Variants in STPG2 observed in about 807,000 individuals in gnomAD.
The protein encoded by STPG2 is sperm tail PG-rich repeat containing 2.
A neutral mutation model predicts 54.2 loss-of-function variants in STPG2; 56 were observed. The observed-to-expected ratio is 1.03, with a 90% CI of 0.83 to 1.29. The LOEUF is 1.29. Ranked by LOEUF, STPG2 falls within the 50% of genes most tolerant of loss-of-function variation. The probability of loss-of-function intolerance (pLI) is 0.00; values close to 1 mark genes in which losing one functional copy is unlikely to be tolerated. For missense variants in STPG2, 596 were observed against 544.9 expected (o/e 1.09, Z -0.93); for synonymous variants, 200 against 181.8 (o/e 1.10, Z -0.81).
intron 10 of STPG2, among the ~76,000 whole-genome samples, chr4:97,705,283 T>C (rs1393568840): frequency 2.6e-5 from 4 of 152,088 alleles, no homozygotes; most frequent in South Asian, 2.1e-4. Context: ...TTATATTTCA[T>C]ATAAAATACT....
chr4:97,930,077 T>G (rs1732485090), intron 8 of STPG2, among the ~76,000 whole-genome samples: 1 of 152,130 alleles, frequency 6.6e-6, no homozygotes, highest in African/African-American at 2.4e-5. Flanking sequence ...TTTTGTATTT[T>G]TAGTAGAGAT....
chr4:98,124,652 T>A (rs1457493686), intron 3 of STPG2, among the ~76,000 whole-genome samples: 1 of 152,162 alleles, frequency 6.6e-6, no homozygotes, highest in Admixed American at 6.5e-5. Context: ...GATGATTATG[T>A]GTCTTTGGGT....
intron 5 of STPG2, among the ~76,000 whole-genome samples, chr4:97,997,818 C>T (rs760721556): frequency 8.5e-5 from 13 of 152,126 alleles, no homozygotes; most frequent in South Asian, 2.1e-4. Flanking sequence ...TGAATACATA[C>T]GGACACAAAA....
intron 5 of STPG2, among the ~76,000 whole-genome samples, chr4:98,091,750 G>T (rs1211759773): frequency 2.6e-5 from 4 of 151,942 alleles, no homozygotes; most frequent in African/African-American, 9.7e-5. Flanking sequence ...GTCAGACACT[G>T]TGTTAAGCAT....
At chr4:97,861,662 C>T (rs963010091) in intron 8 of STPG2, among the ~76,000 whole-genome samples, 1 of 152,026 alleles carries the variant, frequency 6.6e-6, no homozygotes, top group African/African-American at 2.4e-5. Flanking sequence ...ATGTTAAGGG[C>T]AGCCAGAGAG....
chr4:97,794,275 CCT>C (rs1387497339), intron 9 of STPG2, among the ~76,000 whole-genome samples: 85 of 151,876 alleles, frequency 5.6e-4, no homozygotes, highest in African/African-American at 2.0e-3. Context: ...AATGCAAATC[CCT>C]CTCTTAGTGA....
intron 8 of STPG2, among the ~76,000 whole-genome samples, chr4:97,855,265 G>T (rs1560556039): frequency 6.6e-6 from 1 of 152,040 alleles, no homozygotes; most frequent in Non-Finnish European, 1.5e-5. Context: ...ATTCATTTAG[G>T]TATATTCCCA....
chr4:97,590,582 T>A (rs957783201), intron 10 of STPG2, among the ~76,000 whole-genome samples: 1 of 151,440 alleles, frequency 6.6e-6, no homozygotes, highest in East Asian at 1.9e-4. Context: ...GAAGTCAATA[T>A]GGTGAATTAG....
intron 9 of STPG2, among the ~76,000 whole-genome samples, chr4:97,807,134 A>T (rs528497218): frequency 1.3e-5 from 2 of 151,522 alleles, no homozygotes; most frequent in South Asian, 4.1e-4. Context: ...CCATTGATGT[A>T]ATATTGGAAT....
At chr4:97,730,972 C>T (rs568763698) in intron 9 of STPG2, among the ~76,000 whole-genome samples, 1 of 152,196 alleles carries the variant, frequency 6.6e-6, no homozygotes, top group Admixed American at 6.5e-5. Context: ...GCTTTTGTGC[C>T]ATCCAGATTT....
chr4:97,809,050 A>T (rs530352626), intron 9 of STPG2, among the ~76,000 whole-genome samples: 1 of 152,296 alleles, frequency 6.6e-6, no homozygotes, highest in Non-Finnish European at 1.5e-5. Context: ...GAATGTTTTT[A>T]AAATGCAGAT....
intron 9 of STPG2, among the ~76,000 whole-genome samples, chr4:97,806,359 A>T (rs1008488255): frequency 2.6e-4 from 39 of 152,196 alleles, no homozygotes; most frequent in African/African-American, 9.4e-4. Flanking sequence ...GACACTGGGG[A>T]CTAGAAGGAG....
intron 4 of STPG2, among the ~76,000 whole-genome samples, chr4:98,107,881 GT>G (rs1465681838): frequency 1.3e-5 from 2 of 152,040 alleles, no homozygotes. Context: ...ACTATGATAT[GT>G]GTTAGAGTAT....
chr4:97,587,506 A>C (rs1733030064), intron 10 of STPG2, among the ~76,000 whole-genome samples: 1 of 152,034 alleles, frequency 6.6e-6, no homozygotes, highest in African/African-American at 2.4e-5. Flanking sequence ...AAGAACCTTC[A>C]AGTTTGATAA....
intron 7 of STPG2, among the ~76,000 whole-genome samples, chr4:97,953,216 G>A (rs778943073): frequency 9.2e-5 from 14 of 152,266 alleles, no homozygotes; most frequent in Non-Finnish European, 1.5e-4. Context: ...ATGTTCTATG[G>A]AGGAGCATAT....
intron 5 of STPG2, among the ~76,000 whole-genome samples, chr4:98,043,101 A>G (rs1737015881): frequency 6.6e-6 from 1 of 152,060 alleles, no homozygotes; most frequent in African/African-American, 2.4e-5. Flanking sequence ...TAGTCTCTAA[A>G]GATAGTTTTT....
chr4:97,544,992 T>C (rs990070514), intron 4 of STPG2, among the ~76,000 whole-genome samples: 1 of 152,106 alleles, frequency 6.6e-6, no homozygotes, highest in African/African-American at 2.4e-5. Context: ...ACGTGTGCTC[T>C]AGAGAGTGCT....
intron 10 of STPG2, among the ~76,000 whole-genome samples, chr4:97,652,548 T>C (rs932838165): frequency 6.6e-6 from 1 of 151,950 alleles, no homozygotes; most frequent in African/African-American, 2.4e-5. Context: ...TTAAATCTTT[T>C]AAATTTACAT....
intron 8 of STPG2, among the ~76,000 whole-genome samples, chr4:97,912,926 A>G (rs966743754): frequency 2.0e-5 from 3 of 152,232 alleles, no homozygotes; most frequent in African/African-American, 7.2e-5. Context: ...CTAATGACCC[A>G]ATAATACAAT....
Sources: gnomAD v4.1 joint callset for allele counts (sites outside exome capture counted in the v4.1 genomes callset) on GRCh38, gnomAD v4.1.1 for gene constraint, MANE v1.5 for transcripts, NCBI Gene and HGNC (gene_info 2026-07-23, HGNC 2026-07-21) for gene names.